The following SCLT1 variants were observed in gnomAD, a reference collection of about 807,000 sequenced individuals.
The protein encoded by SCLT1 is sodium channel and clathrin linker 1.
Under a neutral mutation model 112.8 loss-of-function variants are expected in SCLT1, and 78 were observed. The observed-to-expected ratio is 0.69, with a 90% CI of 0.58 to 0.83. The LOEUF (loss-of-function observed/expected upper bound fraction) is 0.83. Among genes scored for constraint, SCLT1 ranks in the 40% least tolerant of loss-of-function variants. The probability of loss-of-function intolerance (pLI) is 0.00; values close to 1 mark genes in which losing one functional copy is unlikely to be tolerated. For missense variants in SCLT1, 747 were observed against 770.4 expected, an observed-to-expected ratio of 0.97 and a Z score of 0.36; for synonymous variants, 257 against 254.7, an observed-to-expected ratio of 1.01 and a Z score of -0.09.
intron 4 of SCLT1, among the ~76,000 whole-genome samples, chr4:129,040,977 A>G (rs1747650060): frequency 1.3e-5 from 2 of 152,200 alleles, no homozygotes; most frequent in South Asian, 4.1e-4. Context: ...ATAGAAAAAC[A>G]AAGTTAAACA....
chr4:128,903,104 C>G (rs1734447363), intron 18 of SCLT1, among the ~76,000 whole-genome samples: 1 of 151,938 alleles, frequency 6.6e-6, no homozygotes, highest in Admixed American at 6.6e-5. Context: ...GGAGTATGCT[C>G]TAAGATAACA....
Position 128,997,949 on chromosome 4 carries a change from GA to G in SCLT1, c.550-11del, listed in dbSNP as rs756743143. The G allele has an allele frequency of 2.1e-6, 3 of 1,459,654 alleles. No homozygotes were observed. Among genetic ancestry groups the G allele is most frequent in the Non-Finnish European group, 2.8e-6 (3 of 1,082,516 alleles). 90.4% of individuals were successfully genotyped at this position (1,459,654 alleles called of 1,614,324 possible). A position where few individuals can be genotyped will look rare whatever the true frequency, so the allele number is the denominator to read the frequency against. On this transcript the variant is annotated splice_polypyrimidine_tract_variant and intron_variant, in intron 7 of 20. Transcript: ENST00000281142. ...AATCAAATAGCTGATCCTACAGTGG[GA>G]AGGTAAGGGGAGTATATAAATAGCA...
chr4:128,883,497 T>TATGTACC (rs1256366852), downstream of SCLT1, among the ~76,000 whole-genome samples: 13 of 152,242 alleles, frequency 8.5e-5, no homozygotes, highest in African/African-American at 2.9e-4. Context: ...ATGGCACAGG[T>TATGTACC]ATACCTATGT....
chr4:128,889,251 T>G (rs980713370), intron 19 of SCLT1, among the ~76,000 whole-genome samples: 2 of 152,214 alleles, frequency 1.3e-5, no homozygotes, highest in Middle Eastern at 3.2e-3. Flanking sequence ...TCTGGGAATG[T>G]GACCTTATTT....
chr4:129,044,180 GA>G (rs938143429), intron 2 of SCLT1, 129 bp from the exon 3 acceptor site: 52 of 510,680 alleles, frequency 1.0e-4, no homozygotes, highest in African/African-American at 7.2e-4. Flanking sequence ...CAAAATGAGA[GA>G]AAAAAATAAT....
In SCLT1 at chr4:128,908,093, A is replaced by G. The variant is rs564330838; in HGVS notation, c.1830-16956T>C. 2.0e-5 allele frequency among the ~76,000 whole-genome samples: 3 copies of G among 152,284 alleles called. No individual in the cohort carries two copies. In the South Asian group the frequency reaches 6.2e-4, roughly 32 times the overall value. ...GTACAAAGGAAAATTCCTTCAATGC[A>G]TGAAATGCTTTAGTGATGACTGATG... On this transcript the variant is annotated intron_variant, in intron 18 of 20. Coordinates refer to ENST00000281142, the MANE Select transcript of SCLT1 (RefSeq NM_144643.4).
chr4:128,915,301 G>C (rs1464304871), intron 18 of SCLT1, among the ~76,000 whole-genome samples: 1 of 152,164 alleles, frequency 6.6e-6, no homozygotes, highest in African/African-American at 2.4e-5. Flanking sequence ...CAGAATAGGA[G>C]TTCAAAAAAT....
intron 5 of SCLT1, among the ~76,000 whole-genome samples, chr4:129,038,312 T>G (rs1251695081): frequency 6.6e-6 from 1 of 152,134 alleles, no homozygotes; most frequent in Non-Finnish European, 1.5e-5. Flanking sequence ...GTACACCTAT[T>G]TTGGAAATTA....
At chr4:129,087,755 TAAAAA>T (rs71589026) in intron 1 of SCLT1, among the ~76,000 whole-genome samples, 2 of 104,464 alleles carry the variant, frequency 1.9e-5, no homozygotes. Flanking sequence ...TTGCGCAAGT[TAAAAA>T]AAAAAAAAAA....
At chr4:128,926,889 C>A (rs318560) in intron 18 of SCLT1, among the ~76,000 whole-genome samples, 116,214 of 151,882 alleles carry the variant, frequency 0.77, 45,459 homozygotes, top group African/African-American at 0.94. Flanking sequence ...GCTTTGATTA[C>A]CTTCAGACTT....
chr4:129,048,438 G>GA (rs1427145227), intron 2 of SCLT1, among the ~76,000 whole-genome samples: 3 of 150,418 alleles, frequency 2.0e-5, no homozygotes, highest in African/African-American at 7.3e-5. Flanking sequence ...GTAGAAAGCT[G>GA]AAACTGGATC....
At chr4:128,903,816 C>G (rs1368278517) in intron 18 of SCLT1, among the ~76,000 whole-genome samples, 1 of 152,086 alleles carries the variant, frequency 6.6e-6, no homozygotes, top group African/African-American at 2.4e-5. Flanking sequence ...AAAGGAAAGA[C>G]CCGGGAGGAT....
rs11940367 is a variant in SCLT1 at position 129,062,656 on chromosome 4, T to C, written c.103-18605A>G. Among the ~76,000 whole-genome samples the C allele has an allele frequency of 9.6e-3, 1,457 of 152,256 alleles. 17 individuals are homozygous for C. Among genetic ancestry groups the C allele is most frequent in the African/African-American group, 0.028 (1,169 of 41,550 alleles). On this transcript the variant is annotated intron_variant, in intron 2 of 20. Coordinates refer to ENST00000281142, the MANE Select transcript of SCLT1 (RefSeq NM_144643.4). ...CCTACATTTCTGAAGGGTAGTCTTG[T>C]TGGGTAAAGCATTCTTGGTTGACTT...
intron 2 of SCLT1, among the ~76,000 whole-genome samples, chr4:129,069,896 T>C (rs920445456): frequency 3.9e-5 from 6 of 152,322 alleles, no homozygotes; most frequent in Admixed American, 1.3e-4. Context: ...GGGTTTGTCA[T>C]AGATGGCTTT....
At chr4:129,035,528 G>C (rs1165588519) in intron 5 of SCLT1, among the ~76,000 whole-genome samples, 1 of 151,668 alleles carries the variant, frequency 6.6e-6, no homozygotes, top group African/African-American at 2.4e-5. Context: ...AGGGTTATGT[G>C]ACTATGTATG....
chr4:129,000,645 CT>C (rs1195131513), intron 6 of SCLT1, among the ~76,000 whole-genome samples: 4 of 151,020 alleles, frequency 2.6e-5, no homozygotes, highest in Admixed American at 6.6e-5. Flanking sequence ...TATGCTCCTA[CT>C]TTTTTTTTAA....
chr4:129,081,020 T>C (rs1046932309), intron 2 of SCLT1, among the ~76,000 whole-genome samples: 3 of 152,140 alleles, frequency 2.0e-5, no homozygotes, highest in African/African-American at 7.2e-5. Flanking sequence ...CTCAGCGGCA[T>C]TCCACAGGTT....
At chr4:128,992,839 A>C (rs1742691993) in intron 8 of SCLT1, among the ~76,000 whole-genome samples, 1 of 152,030 alleles carries the variant, frequency 6.6e-6, no homozygotes, top group African/African-American at 2.4e-5. Flanking sequence ...GGAGAAATCC[A>C]CAGTAAGATA....
intron 18 of SCLT1, among the ~76,000 whole-genome samples, chr4:128,906,702 A>T (rs1487988581): frequency 1.3e-5 from 2 of 151,674 alleles, no homozygotes; most frequent in African/African-American, 2.4e-5. Context: ...TCTTAGAAGG[A>T]GTTTGGGGAA....
Sources: gnomAD v4.1 joint callset for allele counts (sites outside exome capture counted in the v4.1 genomes callset) on GRCh38, gnomAD v4.1.1 for gene constraint, MANE v1.5 for transcripts, NCBI Gene and HGNC (gene_info 2026-07-23, HGNC 2026-07-21) for gene names.